PLXNA4: variants seen among roughly 807,000 people sequenced by gnomAD.
PLXNA4 encodes plexin A4.
A neutral mutation model predicts 191.8 loss-of-function variants in PLXNA4; 44 were observed. The observed-to-expected ratio is 0.23, with a 90% CI of 0.18 to 0.29. PLXNA4 has a LOEUF of 0.29. PLXNA4 is among the 10% of genes least tolerant of loss of function. The pLI is 1.00. For synonymous variants in PLXNA4, 1,082 were observed against 1,009.5 expected (o/e 1.07, Z -1.36); for missense variants, 1,800 against 2,488.8 (o/e 0.72, Z 5.89).
chr7:132,413,619 G>C (rs1585103427), intron 3 of PLXNA4, among the ~76,000 whole-genome samples: 1 of 152,194 alleles, frequency 6.6e-6, no homozygotes, highest in Non-Finnish European at 1.5e-5. Flanking sequence ...TACAAATGGA[G>C]TTACTCCACG....
At position 132,420,748 on chromosome 7, in the gene PLXNA4, A is replaced by G. The variant is rs376366374; in HGVS notation, c.1371+68544T>C. Among the ~76,000 whole-genome samples the G allele has an allele frequency of 2.8e-4, 42 of 152,180 alleles. 1 individual carries two copies. The highest frequency in any genetic ancestry group is 8.2e-4 in the African/African-American group (34 of 41,518). ...TGTGGGAGGGACCCAGTGTGAGGTA[A>G]TTGCATCATGGGGGCAAGTCTTTCC... On this transcript the variant is annotated intron_variant, in intron 3 of 31. Transcript: ENST00000321063.
chr7:132,130,714 G>A, intron 31 of PLXNA4, 140 bp from the exon 32 acceptor site: 2 of 1,284,828 alleles, frequency 1.6e-6, no homozygotes, highest in African/African-American at 1.4e-5. Flanking sequence ...ACACTGCGGG[G>A]TAGGAGGAGA....
intron 4 of PLXNA4, among the ~76,000 whole-genome samples, chr7:132,272,077 G>A (rs1271408500): frequency 1.3e-5 from 2 of 152,162 alleles, no homozygotes; most frequent in African/African-American, 4.8e-5. Context: ...TGAGGGTTTA[G>A]GTAGGTTTTT....
rs377638387 is a variant in PLXNA4, at chr7:132,132,291, CA to C, written c.5589+757del. ...CAAGAAAACTCCCAAAGCACCATGGCACTGGCCAGAAAGAAGGCCTTGTATA... is the reference window on the plus strand; with the variant it reads ...CAAGAAAACTCCCAAAGCACCATGGCCTGGCCAGAAAGAAGGCCTTGTATA... On this transcript the variant is annotated intron_variant, in intron 31 of 31. Coordinates refer to ENST00000321063, the MANE Select transcript of PLXNA4 (RefSeq NM_020911.2). 2.6e-3 allele frequency among the ~76,000 whole-genome samples: 401 copies of C among 152,350 alleles called. 4 individuals carry two copies. The highest frequency in any genetic ancestry group is 9.2e-3 in the African/African-American group (382 of 41,582).
intron 3 of PLXNA4, among the ~76,000 whole-genome samples, chr7:132,409,287 G>T (rs2117083047): frequency 6.6e-6 from 1 of 152,284 alleles, no homozygotes; most frequent in Non-Finnish European, 1.5e-5. Context: ...TGCAGTAGAT[G>T]GCTTGGTGGC....
chr7:132,224,853 A>G lies in PLXNA4; in HGVS notation c.1983-1212T>C, dbSNP rs998184533. Among the ~76,000 whole-genome samples, 3 of 152,218 alleles carry G rather than the reference A, an allele frequency of 2.0e-5. No homozygotes were observed. The South Asian group carries it at 6.2e-4, about 32-fold the overall frequency. ...TCACAGCTGCCATAAGCAGATCAAT[A>G]GACCCTAAAATTCCACCAGCCTAGA... On this transcript the variant is annotated intron_variant, in intron 8 of 31. Coordinates refer to ENST00000321063, the MANE Select transcript of PLXNA4 (RefSeq NM_020911.2).
chr7:132,217,852 T>G (rs2116930945), intron 9 of PLXNA4, among the ~76,000 whole-genome samples: 1 of 126,512 alleles, frequency 7.9e-6, no homozygotes, highest in African/African-American at 3.1e-5. Context: ...ATACCTGGAG[T>G]GGGGGTGGTG....
chr7:132,507,114 G>C (rs757433171), intron 2 of PLXNA4, among the ~76,000 whole-genome samples: 1 of 152,082 alleles, frequency 6.6e-6, no homozygotes, highest in East Asian at 1.9e-4. Flanking sequence ...TTATTTGCAG[G>C]CTTGGTGAGT....
At chr7:132,588,890 T>G (rs1802556809) in intron 2 of PLXNA4, among the ~76,000 whole-genome samples, 5 of 135,844 alleles carry the variant, frequency 3.7e-5, no homozygotes, top group East Asian at 4.4e-4. Context: ...GGGAAAGAGG[T>G]AGGGAAGGGA....
At chr7:132,187,826 T>C (rs1334037273) in intron 14 of PLXNA4, among the ~76,000 whole-genome samples, 1 of 152,200 alleles carries the variant, frequency 6.6e-6, no homozygotes, top group Admixed American at 6.5e-5. Flanking sequence ...GTAATACTAA[T>C]AGCTGCCATG....
intron 3 of PLXNA4, among the ~76,000 whole-genome samples, chr7:132,314,888 T>C (rs1375867360): frequency 6.6e-6 from 1 of 152,226 alleles, no homozygotes; most frequent in African/African-American, 2.4e-5. Flanking sequence ...AAAATTGTCT[T>C]GCGTCACTTA....
intron 13 of PLXNA4, among the ~76,000 whole-genome samples, chr7:132,195,167 G>A (rs1282371588): frequency 6.7e-6 from 1 of 149,684 alleles, no homozygotes; most frequent in East Asian, 1.9e-4. Context: ...GCATACGTAA[G>A]GAAAGATATA....
At chr7:132,211,557 G>A (rs527337017) in intron 9 of PLXNA4, among the ~76,000 whole-genome samples, 118 of 152,324 alleles carry the variant, frequency 7.7e-4, no homozygotes, top group African/African-American at 2.5e-3. Flanking sequence ...GACCATGTGA[G>A]AAGCTCCGCA....
intron 1 of PLXNA4, among the ~76,000 whole-genome samples, chr7:132,514,159 C>G (rs1303143471): frequency 6.6e-6 from 1 of 151,686 alleles, no homozygotes; most frequent in Admixed American, 6.6e-5. Flanking sequence ...TCATGCCATT[C>G]TCCTACCTCA....
intron 16 of PLXNA4, among the ~76,000 whole-genome samples, chr7:132,183,381 A>G (rs1796774755): frequency 6.6e-6 from 1 of 152,186 alleles, no homozygotes; most frequent in African/African-American, 2.4e-5. Context: ...CACTGTTCAC[A>G]AGTAACCCAG....
At chr7:132,399,533 G>A (rs1252400719) in intron 3 of PLXNA4, among the ~76,000 whole-genome samples, 3 of 152,204 alleles carry the variant, frequency 2.0e-5, no homozygotes, top group Non-Finnish European at 2.9e-5. Context: ...AATCAAGAGA[G>A]GCTTCATGGG....
At chr7:132,314,028 G>A (rs1801849896) in intron 3 of PLXNA4, among the ~76,000 whole-genome samples, 1 of 152,162 alleles carries the variant, frequency 6.6e-6, no homozygotes, top group South Asian at 2.1e-4. Flanking sequence ...CATCCCAGAA[G>A]CTGAAATAGG....
At chr7:132,392,100 C>G (rs1444850249) in intron 3 of PLXNA4, among the ~76,000 whole-genome samples, 17 of 151,818 alleles carry the variant, frequency 1.1e-4, no homozygotes, top group Non-Finnish European at 4.4e-5. Flanking sequence ...TGCACTCCAG[C>G]CTGGGCAACA....
At chr7:132,381,521 C>A in intron 3 of PLXNA4, among the ~76,000 whole-genome samples, 1 of 152,184 alleles carries the variant, frequency 6.6e-6, no homozygotes, top group East Asian at 1.9e-4. Flanking sequence ...TGTAGTATTT[C>A]TTAAATTTGA....
Sources: gnomAD v4.1 joint callset for allele counts (sites outside exome capture counted in the v4.1 genomes callset) on GRCh38, gnomAD v4.1.1 for gene constraint, MANE v1.5 for transcripts, NCBI Gene and HGNC (gene_info 2026-07-23, HGNC 2026-07-21) for gene names.